The following CLCN3 variants were observed in gnomAD, a reference collection of about 807,000 sequenced individuals.
CLCN3 encodes H(+)/Cl(-) exchange transporter 3.
CLCN3 carries 16 observed loss-of-function variants against 83.4 expected under a neutral mutation model. That is an observed-to-expected ratio of 0.19 (90% CI 0.13 to 0.29). The LOEUF (loss-of-function observed/expected upper bound fraction) is 0.29, where lower values mean the gene tolerates loss of function less well. Among genes scored for constraint, CLCN3 ranks in the 10% least tolerant of loss-of-function variants. The probability of loss-of-function intolerance (pLI) is 1.00; values close to 1 mark genes in which losing one functional copy is unlikely to be tolerated. For synonymous variants in CLCN3, 322 were observed against 346.2 expected, an observed-to-expected ratio of 0.93 and a Z score of 0.78; for missense variants, 544 against 1,006.0, an observed-to-expected ratio of 0.54 and a Z score of 6.21.
intron 2 of CLCN3, among the ~76,000 whole-genome samples, chr4:169,674,278 C>T (rs1321113157): frequency 6.6e-6 from 1 of 151,990 alleles, no homozygotes; most frequent in Admixed American, 6.6e-5. Flanking sequence ...CTGGTTTTTC[C>T]TTATAAGATT....
chr4:169,702,163 T>C (rs1427603322), intron 9 of CLCN3, among the ~76,000 whole-genome samples: 1 of 152,082 alleles, frequency 6.6e-6, no homozygotes, highest in African/African-American at 2.4e-5. Flanking sequence ...ATTATTACTT[T>C]AGAGAGAGAG....
At chr4:169,671,395 AATG>A (rs1225870382) in intron 2 of CLCN3, among the ~76,000 whole-genome samples, 1 of 152,164 alleles carries the variant, frequency 6.6e-6, no homozygotes, top group Non-Finnish European at 1.5e-5. Flanking sequence ...GGAGTTGAAC[AATG>A]AGAGCACATG....
chr4:169,695,434 G>A (rs1560864056), intron 7 of CLCN3, among the ~76,000 whole-genome samples, 178 bp from the exon 8 acceptor site: 1 of 152,104 alleles, frequency 6.6e-6, no homozygotes, highest in Non-Finnish European at 1.5e-5. Flanking sequence ...ATTAAAGCCA[G>A]GAGAAAGAAA....
At chr4:169,636,375 A>C (rs926096064) in intron 2 of CLCN3, among the ~76,000 whole-genome samples, 2 of 152,194 alleles carry the variant, frequency 1.3e-5, no homozygotes, top group Admixed American at 1.3e-4. Context: ...AGAGGTGTGC[A>C]ATCATCACAT....
intron 2 of CLCN3, among the ~76,000 whole-genome samples, chr4:169,652,675 T>A (rs1392088640): frequency 6.6e-6 from 1 of 152,172 alleles, no homozygotes; most frequent in African/African-American, 2.4e-5. Context: ...ACTTGTTGGG[T>A]CATAGGTCAT....
At chr4:169,634,029 T>C (rs1446470062) in intron 1 of CLCN3, among the ~76,000 whole-genome samples, 3 of 152,188 alleles carry the variant, frequency 2.0e-5, no homozygotes, top group South Asian at 2.1e-4. Context: ...ATTGGTTTAT[T>C]TGGAGCAGAG....
At chr4:169,679,084 A>C (rs1422616191) in intron 2 of CLCN3, among the ~76,000 whole-genome samples, 1 of 148,530 alleles carries the variant, frequency 6.7e-6, no homozygotes, top group Non-Finnish European at 1.5e-5. Flanking sequence ...GACGCTCCTC[A>C]CTTCCCAGAT....
chr4:169,708,426 T>G (rs1373734044), intron 11 of CLCN3, among the ~76,000 whole-genome samples: 2 of 152,200 alleles, frequency 1.3e-5, no homozygotes, highest in Admixed American at 6.5e-5. Context: ...TAAATTTTAC[T>G]TAGCTAATAC....
chr4:169,707,490 T>A (rs2150267686), intron 11 of CLCN3, among the ~76,000 whole-genome samples: 1 of 152,312 alleles, frequency 6.6e-6, no homozygotes, highest in Admixed American at 6.5e-5. Flanking sequence ...TGATCTGGCA[T>A]TGTACCAGAA....
At position 169,719,938 on chromosome 4, in the gene CLCN3, A is replaced by G. The variant is rs370753183; in HGVS notation, c.2398A>G (p.Ile800Val). 1.9e-6 allele frequency: 3 copies of G among 1,613,232 alleles called. No homozygotes were observed. The highest frequency in any genetic ancestry group is 1.1e-5 in the South Asian group (1 of 90,828). Reference sequence around the variant, plus strand: ...CCTTGGCATTATAACAAAAAAAGATATCCTCCGGCATATGGCCCAGACGGC... The same window carrying G: ...CCTTGGCATTATAACAAAAAAAGATGTCCTCCGGCATATGGCCCAGACGGC... ...RLLGIITKKD[I>V]LRHMAQTANQ... is the part of the protein sequence containing the mutation. Residue 800 changes from isoleucine (I) to valine (V), a missense_variant, in exon 13 of 13, where the codon ATC (isoleucine) becomes GTC (valine). Around this residue, in one of 6 missense-constraint regions of CLCN3, gnomAD observed 142 missense variants for 225.0 expected, o/e 0.63. Transcript: ENST00000513761.
At chr4:169,674,043 A>C (rs1731582484) in intron 2 of CLCN3, among the ~76,000 whole-genome samples, 1 of 152,240 alleles carries the variant, frequency 6.6e-6, no homozygotes, top group African/African-American at 2.4e-5. Context: ...CCATACTATG[A>C]CATGATCTGC....
At chr4:169,647,509 G>A (rs1428977139) in intron 2 of CLCN3, among the ~76,000 whole-genome samples, 1 of 152,172 alleles carries the variant, frequency 6.6e-6, no homozygotes, top group Non-Finnish European at 1.5e-5. Flanking sequence ...AGAGTGTCTT[G>A]TAGTACCAGG....
chr4:169,697,101 T>C (rs1732592928), intron 8 of CLCN3, 88 bp from the exon 9 acceptor site: 2 of 944,250 alleles, frequency 2.1e-6, no homozygotes, highest in East Asian at 5.6e-5. Flanking sequence ...AATTTAGAGC[T>C]AGGATATTTA....
At chr4:169,624,411 G>C (rs1773180341) in intron 1 of CLCN3, among the ~76,000 whole-genome samples, 1 of 152,166 alleles carries the variant, frequency 6.6e-6, no homozygotes. Flanking sequence ...TGGGATTACA[G>C]GCATGAGCCA....
chr4:169,659,996 T>G, intron 2 of CLCN3: 1 of 918,838 alleles, frequency 1.1e-6, no homozygotes, highest in African/African-American at 1.8e-5. Context: ...ATGTTTCTAT[T>G]GTTTTACTGT....
intron 1 of CLCN3, among the ~76,000 whole-genome samples, chr4:169,633,242 C>T (rs1773424076): frequency 2.0e-5 from 3 of 152,156 alleles, no homozygotes; most frequent in Admixed American, 2.0e-4. Context: ...AGCTCTTGAC[C>T]TCAAGCGATC....
intron 2 of CLCN3, among the ~76,000 whole-genome samples, chr4:169,667,590 G>A (rs1302903515): frequency 2.0e-5 from 3 of 151,824 alleles, no homozygotes; most frequent in Non-Finnish European, 4.4e-5. Context: ...TTTCAGTATT[G>A]GTAATACCTG....
chr4:169,704,021 C>T lies in CLCN3; in HGVS notation c.1587C>T (p.Pro529=). 1.2e-6 allele frequency: 2 copies of T among 1,614,104 alleles called. No homozygotes were observed. The highest frequency in any genetic ancestry group is 1.7e-6 in the Non-Finnish European group (2 of 1,179,982). ...AGGTTCCATCAGGCTTGTTCATCCC[C>T]AGCATGGCCATTGGAGCGATCGCAG... ...GIKVPSGLFI[P]SMAIGAIAGR... is the part of the protein sequence containing the mutation. The change falls in exon 10 of 13, where the codon CCC becomes CCT. Residue 529 remains proline (P), a synonymous_variant. Coordinates refer to ENST00000513761, the MANE Select transcript of CLCN3 (RefSeq NM_001829.4).
intron 9 of CLCN3, among the ~76,000 whole-genome samples, chr4:169,703,075 G>A (rs928205802): frequency 5.9e-5 from 9 of 152,312 alleles, no homozygotes; most frequent in Non-Finnish European, 1.3e-4. Context: ...GGTTCATGGT[G>A]CAGTAAAACA....
Sources: allele counts gnomAD v4.1 joint callset (sites outside exome capture counted in the v4.1 genomes callset), GRCh38; gene constraint gnomAD v4.1.1; regional missense constraint gnomAD v4.1.1; transcripts MANE v1.5; gene names NCBI Gene and HGNC (gene_info 2026-07-23, HGNC 2026-07-21).